Variants in LTF observed in about 807,000 individuals in gnomAD.
LTF encodes epididymis luminal protein 110.
A neutral mutation model predicts 87.2 loss-of-function variants in LTF; 91 were observed. That is an observed-to-expected ratio of 1.04 (90% CI 0.88 to 1.24). The LOEUF (loss-of-function observed/expected upper bound fraction) is 1.24, where lower values mean the gene tolerates loss of function less well. LTF is among the 50% of genes most tolerant of loss of function. The pLI, the probability that LTF is intolerant of heterozygous loss-of-function variation, is 0.00. For synonymous variants in LTF, 378 were observed against 356.1 expected (o/e 1.06, Z -0.69); for missense variants, 901 against 904.3 (o/e 1.00, Z 0.05).
chr3:46,484,132 G>A (rs1703486411), intron 1 of LTF, among the ~76,000 whole-genome samples: 2 of 152,128 alleles, frequency 1.3e-5, no homozygotes, highest in African/African-American at 2.4e-5. Flanking sequence ...GTCAACCCTT[G>A]TCAATGGCTG....
chr3:46,459,914 TCTCGGCTGCC>T, intron 1 of LTF, 95 bp from the exon 2 acceptor site: 1 of 878,284 alleles, frequency 1.1e-6, no homozygotes, highest in Non-Finnish European at 1.6e-6. Context: ...CCTCCCTCTC[TCTCGGCTGCC>T]CTCCTTCCCT....
intron 11 of LTF, 150 bp downstream of exon 11, chr3:46,446,290 G>T: frequency 1.9e-6 from 1 of 526,824 alleles, no homozygotes; most frequent in Non-Finnish European, 3.3e-6. Flanking sequence ...ATTCCTCTGT[G>T]AATTATTTGC....
chr3:46,441,597 G>A, intron 13 of LTF, 114 bp from the exon 14 acceptor site: 1 of 754,054 alleles, frequency 1.3e-6, no homozygotes, highest in Non-Finnish European at 2.3e-6. Context: ...ACATCTAAAA[G>A]ACAACTATTT....
chr3:46,464,459 T>C (rs1462477444), intron 1 of LTF, among the ~76,000 whole-genome samples: 2 of 152,058 alleles, frequency 1.3e-5, no homozygotes, highest in Non-Finnish European at 2.9e-5. Context: ...TGGACTAGGG[T>C]CCTTGAGCTA....
intron 7 of LTF, among the ~76,000 whole-genome samples, 166 bp downstream of exon 7, chr3:46,450,329 G>T (rs1702772256): frequency 6.6e-6 from 1 of 152,134 alleles, no homozygotes; most frequent in African/African-American, 2.4e-5. Flanking sequence ...GAGTTTCATT[G>T]CTTCTGCTGT....
chr3:46,471,792 G>T (rs536933179), intron 1 of LTF, among the ~76,000 whole-genome samples: 186 of 152,318 alleles, frequency 1.2e-3, no homozygotes, highest in African/African-American at 4.0e-3. Flanking sequence ...CTACTGAAAG[G>T]TCTCCTCTCC....
chr3:46,476,590 TC>T (rs1703361713), intron 1 of LTF, among the ~76,000 whole-genome samples: 1 of 152,212 alleles, frequency 6.6e-6, no homozygotes, highest in Non-Finnish European at 1.5e-5. Flanking sequence ...GATGCACAAA[TC>T]ATACATGTAG....
intron 1 of LTF, among the ~76,000 whole-genome samples, chr3:46,480,072 A>G (rs962105084): frequency 6.6e-6 from 1 of 152,202 alleles, no homozygotes; most frequent in African/African-American, 2.4e-5. Context: ...CAGAAGCTCC[A>G]TTCTAATCAT....
Position 46,446,452 on chromosome 3 carries a change from T to C in LTF, c.1345A>G (p.Arg449Gly), listed in dbSNP as rs559779505. ...AATGCCAACTCACCTTCCACAGGTC[T>C]ATCCACACAGTTAGGATCAGGGTCA... ...SSDPDPNCVD[R>G]PVEGYLAVAV... The change falls in exon 11 of 17, where the codon AGA becomes GGA. Residue 449 changes from arginine (R) to glycine (G), a missense_variant. Physicochemically the swap from Arg to Gly is moderately radical, Grantham distance 125. Coordinates refer to ENST00000231751, the MANE Select transcript of LTF (RefSeq NM_002343.6). 1.2e-6 allele frequency: 2 copies of C among 1,613,752 alleles called. No homozygotes were observed. The highest frequency in any genetic ancestry group is 2.2e-5 in the East Asian group (1 of 44,878).
At chr3:46,459,996 G>A (rs570643803) in intron 1 of LTF, among the ~76,000 whole-genome samples, 177 bp from the exon 2 acceptor site, 76 of 152,282 alleles carry the variant, frequency 5.0e-4, no homozygotes, top group South Asian at 3.3e-3. Context: ...TGGACTAATA[G>A]GATCTCTGCA....
intron 15 of LTF, among the ~76,000 whole-genome samples, chr3:46,438,411 C>A (rs994706530): frequency 1.3e-5 from 2 of 152,230 alleles, no homozygotes; most frequent in African/African-American, 4.8e-5. Flanking sequence ...TTTTCCCATA[C>A]AACTTCTTAT....
chr3:46,462,437 C>T (rs918672004), intron 1 of LTF, among the ~76,000 whole-genome samples: 2 of 152,142 alleles, frequency 1.3e-5, no homozygotes, highest in African/African-American at 4.8e-5. Flanking sequence ...AGTTATGTGG[C>T]TTGTGGAAGT....
At chr3:46,475,946 T>C (rs1322893241) in intron 1 of LTF, among the ~76,000 whole-genome samples, 1 of 152,242 alleles carries the variant, frequency 6.6e-6, no homozygotes, top group Non-Finnish European at 1.5e-5. Context: ...AATCATATAA[T>C]ATGTATTCTT....
At chr3:46,477,671 G>T (rs1402370964) in intron 1 of LTF, among the ~76,000 whole-genome samples, 1 of 152,216 alleles carries the variant, frequency 6.6e-6, no homozygotes, top group Non-Finnish European at 1.5e-5. Flanking sequence ...GCACATAGGG[G>T]CTGCTCAATC....
chr3:46,462,988 C>G (rs1186867543), intron 1 of LTF, among the ~76,000 whole-genome samples: 2 of 152,104 alleles, frequency 1.3e-5, no homozygotes, highest in African/African-American at 4.8e-5. Flanking sequence ...CCGCTGAGCT[C>G]CCTTCCAGGA....
intron 16 of LTF, 108 bp from the exon 17 acceptor site, chr3:46,436,337 C>G: frequency 2.0e-6 from 2 of 995,394 alleles, no homozygotes; most frequent in Admixed American, 3.5e-5. Context: ...CTGCCCTTCT[C>G]CCATCACTGA....
intron 14 of LTF, among the ~76,000 whole-genome samples, chr3:46,440,494 T>C (rs910711792): frequency 6.6e-6 from 1 of 152,238 alleles, no homozygotes; most frequent in African/African-American, 2.4e-5. Context: ...CTAAATGTAA[T>C]TGTATGCATG....
chr3:46,447,962 A>G (rs956153146), intron 9 of LTF, among the ~76,000 whole-genome samples: 3 of 152,220 alleles, frequency 2.0e-5, no homozygotes, highest in Non-Finnish European at 4.4e-5. Context: ...CTACTCAAGA[A>G]TGCTCACCAC....
At chr3:46,477,880 A>T (rs921010125) in intron 1 of LTF, among the ~76,000 whole-genome samples, 1 of 152,276 alleles carries the variant, frequency 6.6e-6, no homozygotes, top group South Asian at 2.1e-4. Flanking sequence ...CCCTTTCCCC[A>T]GGCGGCTCCA....
Sources: allele counts gnomAD v4.1 joint callset (sites outside exome capture counted in the v4.1 genomes callset), GRCh38; gene constraint gnomAD v4.1.1; transcripts MANE v1.5; gene names NCBI Gene and HGNC (gene_info 2026-07-23, HGNC 2026-07-21).